FAM174A: variants seen among roughly 807,000 people sequenced by gnomAD.
The protein encoded by FAM174A is family with sequence similarity 174 member A, also known as membrane protein FAM174A.
Under a neutral mutation model 14.3 loss-of-function variants are expected in FAM174A, and 14 were observed. The ratio of observed to expected loss-of-function variants is 0.98; its 90% confidence interval spans 0.65 to 1.53. The LOEUF (loss-of-function observed/expected upper bound fraction) is 1.53. Among genes scored for constraint, FAM174A ranks in the 40% most tolerant of loss-of-function variants. The pLI is 0.00. For missense variants in FAM174A, 241 were observed against 249.6 expected, an observed-to-expected ratio of 0.97 and a Z score of 0.23; for synonymous variants, 108 against 111.4, an observed-to-expected ratio of 0.97 and a Z score of 0.19.
At chr5:100,585,206 G>T (rs1747103807) in intron 2 of FAM174A, among the ~76,000 whole-genome samples, 1 of 152,118 alleles carries the variant, frequency 6.6e-6, no homozygotes, top group African/African-American at 2.4e-5. Context: ...ATTTTCTACA[G>T]TTATGATTTA....
intron 2 of FAM174A, among the ~76,000 whole-genome samples, chr5:100,563,400 CA>C (rs35690521): frequency 0.34 from 49,561 of 143,784 alleles, 9,616 homozygotes; most frequent in African/African-American, 0.54. Flanking sequence ...TCTCTTGAGA[CA>C]AAAAAAAAAA....
rs1348391200 is a variant in FAM174A, at chr5:100,541,699, T to C, written c.434+5735T>C. On this transcript the variant is annotated intron_variant, in intron 1 of 2. Coordinates refer to ENST00000312637, the MANE Select transcript of FAM174A (RefSeq NM_198507.3). Reference sequence around the variant, plus strand: ...TTGTCATAGGACAGGAGAGAGATTTTCCATTGAAATGTTCCCATTTCCATG... The same window carrying C: ...TTGTCATAGGACAGGAGAGAGATTTCCCATTGAAATGTTCCCATTTCCATG... Among the ~76,000 whole-genome samples, 4 of 152,106 alleles carry C rather than the reference T, an allele frequency of 2.6e-5. No homozygotes were observed. In the South Asian group the frequency reaches 6.2e-4, roughly 24 times the overall value.
At chr5:100,558,546 T>A (rs1217580696) in intron 1 of FAM174A, among the ~76,000 whole-genome samples, 1 of 152,166 alleles carries the variant, frequency 6.6e-6, no homozygotes, top group Non-Finnish European at 1.5e-5. Context: ...GGTATTAAAG[T>A]CTCCCATTAT....
intron 1 of FAM174A, among the ~76,000 whole-genome samples, chr5:100,560,486 C>T (rs142891613): frequency 3.3e-5 from 5 of 152,096 alleles, no homozygotes; most frequent in African/African-American, 4.8e-5. Context: ...TCACTTTAGA[C>T]GTGTATATAG....
intron 1 of FAM174A, among the ~76,000 whole-genome samples, chr5:100,536,321 T>C (rs775851637): frequency 6.6e-6 from 1 of 152,180 alleles, no homozygotes; most frequent in Non-Finnish European, 1.5e-5. Context: ...AATTTTTGTA[T>C]ACCTAACTGG....
intron 1 of FAM174A, among the ~76,000 whole-genome samples, chr5:100,542,846 ATG>A (rs147251634): frequency 0.018 from 2,665 of 150,372 alleles, 73 homozygotes; most frequent in African/African-American, 0.059. Flanking sequence ...ATATATATAT[ATG>A]TGTGTGTGTG....
intron 2 of FAM174A, chr5:100,581,467 T>C (rs570641273): frequency 2.4e-6 from 2 of 828,026 alleles, no homozygotes; most frequent in South Asian, 5.5e-5. Context: ...TAAGAGCCTA[T>C]GAAGGCCCAG....
chr5:100,564,489 C>T (rs1052295549), intron 2 of FAM174A, among the ~76,000 whole-genome samples: 17 of 151,788 alleles, frequency 1.1e-4, no homozygotes, highest in Admixed American at 5.3e-4. Context: ...AAGAAAAACA[C>T]TTTAAGCCTA....
chr5:100,561,336 A>G (rs1746517691), intron 1 of FAM174A, among the ~76,000 whole-genome samples: 1 of 151,878 alleles, frequency 6.6e-6, no homozygotes, highest in African/African-American at 2.4e-5. Flanking sequence ...CCCATCTTCA[A>G]AGTTTGTTAT....
chr5:100,584,235 A>G (rs1014685187), intron 2 of FAM174A, among the ~76,000 whole-genome samples: 5 of 152,180 alleles, frequency 3.3e-5, no homozygotes, highest in African/African-American at 1.2e-4. Context: ...GGGCAATCCT[A>G]ATGAGAAACT....
chr5:100,571,132 A>G (rs1478657257), intron 2 of FAM174A, among the ~76,000 whole-genome samples: 1 of 140,516 alleles, frequency 7.1e-6, no homozygotes, highest in Non-Finnish European at 1.6e-5. Context: ...TTATATGTAC[A>G]TATACATATA....
chr5:100,562,022 AT>A, intron 1 of FAM174A, 31 bp from the exon 2 acceptor site: 2 of 1,272,498 alleles, frequency 1.6e-6, no homozygotes, highest in Admixed American at 2.5e-5. Flanking sequence ...ATATTAAATA[AT>A]TTTTATTCAT....
chr5:100,562,215 T>C, intron 2 of FAM174A, 27 bp downstream of exon 2: 1 of 1,554,418 alleles, frequency 6.4e-7, no homozygotes, highest in Non-Finnish European at 8.6e-7. Context: ...TTTAATTCCA[T>C]GAATCAGGAA....
intron 2 of FAM174A, among the ~76,000 whole-genome samples, chr5:100,571,403 T>C (rs1453328553): frequency 6.6e-6 from 1 of 151,562 alleles, no homozygotes; most frequent in Non-Finnish European, 1.5e-5. Flanking sequence ...TCAGATTTTC[T>C]GTTACTTCTC....
chr5:100,565,170 G>C (rs1032600041), intron 2 of FAM174A, among the ~76,000 whole-genome samples: 3 of 151,858 alleles, frequency 2.0e-5, no homozygotes, highest in Non-Finnish European at 2.9e-5. Context: ...CCATGATTAA[G>C]TGGGATTTGT....
In FAM174A at chr5:100,535,959, G is replaced by C. The variant is rs776908556; in HGVS notation, c.429G>C (p.Thr143=). 2 of 1,575,450 alleles carry C rather than the reference G, an allele frequency of 1.3e-6. No individual in the cohort carries two copies. Among genetic ancestry groups the C allele is most frequent in the Non-Finnish European group, 1.7e-6 (2 of 1,155,302 alleles). ...TGCTGGTGTACTTCGTGGTCAGGACGGTCAGGTGAGGCAAAGCCTCGGTGG... is the reference window on the plus strand; with the variant it reads ...TGCTGGTGTACTTCGTGGTCAGGACCGTCAGGTGAGGCAAAGCCTCGGTGG... ...GAVLVYFVVR[T]VRMRRRNRKT... The change falls in exon 1 of 3, where the codon ACG becomes ACC. Residue 143 remains threonine, a synonymous_variant. Coordinates refer to ENST00000312637, the MANE Select transcript of FAM174A (RefSeq NM_198507.3).
intron 1 of FAM174A, among the ~76,000 whole-genome samples, chr5:100,544,917 T>C (rs1280786709): frequency 1.3e-5 from 2 of 152,232 alleles, no homozygotes; most frequent in African/African-American, 4.8e-5. Flanking sequence ...TACTATCAAC[T>C]GGTAGCAATG....
chr5:100,569,384 G>T, intron 2 of FAM174A, among the ~76,000 whole-genome samples: 1 of 106,440 alleles, frequency 9.4e-6, no homozygotes, highest in African/African-American at 5.5e-5. Context: ...CTCTATAGAG[G>T]CTATTATTAT....
At chr5:100,546,835 C>A (rs972826808) in intron 1 of FAM174A, among the ~76,000 whole-genome samples, 5 of 152,142 alleles carry the variant, frequency 3.3e-5, no homozygotes, top group African/African-American at 9.6e-5. Context: ...ATTTTCTTCT[C>A]ACTGTCGACT....
Sources: allele counts gnomAD v4.1 joint callset (sites outside exome capture counted in the v4.1 genomes callset), GRCh38; gene constraint gnomAD v4.1.1; transcripts MANE v1.5; gene names NCBI Gene and HGNC (gene_info 2026-07-23, HGNC 2026-07-21).